The following CAMKMT variants were observed in gnomAD, a reference collection of about 807,000 sequenced individuals.
The protein encoded by CAMKMT is CaM KMT.
Under a neutral mutation model 48.0 loss-of-function variants are expected in CAMKMT, and 53 were observed. The ratio of observed to expected loss-of-function variants is 1.10; its 90% CI spans 0.89 to 1.39. CAMKMT has a LOEUF of 1.39. Among genes scored for constraint, CAMKMT ranks in the 40% most tolerant of loss-of-function variants. The pLI is 0.00. For synonymous variants in CAMKMT, 165 were observed against 152.3 expected, an observed-to-expected ratio of 1.08 and a Z score of -0.61; for missense variants, 428 against 402.7, an observed-to-expected ratio of 1.06 and a Z score of -0.54.
chr2:44,694,238 T>C (rs116139742), intron 3 of CAMKMT, among the ~76,000 whole-genome samples: 1,690 of 152,340 alleles, frequency 0.011, 28 homozygotes, highest in African/African-American at 0.039. Context: ...TTAATCATAG[T>C]TGTGCTGTTT....
chr2:44,629,660 A>G lies in CAMKMT; in HGVS notation c.377-74623A>G, dbSNP rs201784245. On this transcript the variant is annotated intron_variant, in intron 3 of 10. Coordinates refer to ENST00000378494, the MANE Select transcript of CAMKMT (RefSeq NM_024766.5). ...CCCATTCACAATTGCTTCAAAGAGA[A>G]TAAAATACCTAGGAATCCACCTTAC... Among the ~76,000 whole-genome samples, 58 of 152,150 alleles carry G rather than the reference A, an allele frequency of 3.8e-4. No homozygotes were observed. The East Asian group carries it at 6.4e-3, about 17-fold the overall frequency.
chr2:44,603,941 C>T (rs1370954748), intron 3 of CAMKMT, among the ~76,000 whole-genome samples: 1 of 152,046 alleles, frequency 6.6e-6, no homozygotes, highest in African/African-American at 2.4e-5. Flanking sequence ...AACACCAACA[C>T]TAATAAGATG....
At chr2:44,736,927 G>T (rs2104358085) in intron 7 of CAMKMT, among the ~76,000 whole-genome samples, 1 of 152,178 alleles carries the variant, frequency 6.6e-6, no homozygotes, top group East Asian at 1.9e-4. Context: ...CTATTGTAAT[G>T]CCCGTGTCTG....
chr2:44,499,145 A>G (rs893688473), intron 3 of CAMKMT, among the ~76,000 whole-genome samples: 9 of 152,252 alleles, frequency 5.9e-5, no homozygotes, highest in African/African-American at 1.9e-4. Flanking sequence ...AAAATAGAAT[A>G]CATCTAATCA....
chr2:44,362,415 G>T (rs1250946905), intron 1 of CAMKMT, among the ~76,000 whole-genome samples: 1 of 152,124 alleles, frequency 6.6e-6, no homozygotes, highest in Non-Finnish European at 1.5e-5. Context: ...AGACATTTTT[G>T]TGCGTCTGGG....
At chr2:44,401,050 G>T (rs773164753) in intron 3 of CAMKMT, 7 of 151,090 alleles carry the variant, frequency 4.6e-5, no homozygotes, top group Non-Finnish European at 8.8e-5. Flanking sequence ...CTCCACAAGT[G>T]TTTATTAAGT....
chr2:44,410,151 AAAG>A (rs998522521), intron 3 of CAMKMT, among the ~76,000 whole-genome samples: 1 of 142,608 alleles, frequency 7.0e-6, no homozygotes, highest in Non-Finnish European at 1.5e-5. Context: ...ATGTACTACC[AAAG>A]AAGCAGAATG....
At chr2:44,554,905 C>T (rs895247032) in intron 3 of CAMKMT, among the ~76,000 whole-genome samples, 6 of 151,926 alleles carry the variant, frequency 3.9e-5, no homozygotes. Flanking sequence ...ACAATAAATA[C>T]TGCATTAGGA....
chr2:44,583,046 A>G (rs1221891884), intron 3 of CAMKMT, among the ~76,000 whole-genome samples: 1 of 152,188 alleles, frequency 6.6e-6, no homozygotes, highest in Non-Finnish European at 1.5e-5. Context: ...CTTAAAATAC[A>G]TATAATACAT....
At chr2:44,711,177 C>T (rs1466114201) in intron 6 of CAMKMT, among the ~76,000 whole-genome samples, 3 of 152,160 alleles carry the variant, frequency 2.0e-5, no homozygotes, top group Admixed American at 1.3e-4. Flanking sequence ...TCTTCCAATG[C>T]CGGCTGTACT....
intron 3 of CAMKMT, among the ~76,000 whole-genome samples, chr2:44,690,590 GGTT>G (rs1458509643): frequency 9.9e-5 from 15 of 152,138 alleles, no homozygotes; most frequent in African/African-American, 3.6e-4. Context: ...ATCTTATAGG[GGTT>G]GTTTTAAGGA....
At chr2:44,596,554 C>G (rs139863473) in intron 3 of CAMKMT, among the ~76,000 whole-genome samples, 1 of 152,152 alleles carries the variant, frequency 6.6e-6, no homozygotes, top group Non-Finnish European at 1.5e-5. Context: ...AAATCTCTAA[C>G]AAGCCCCCCA....
intron 1 of CAMKMT, among the ~76,000 whole-genome samples, chr2:44,370,568 CAGTTTTATCA>C (rs756398977): frequency 6.7e-4 from 102 of 152,176 alleles, no homozygotes; most frequent in Non-Finnish European, 1.3e-3. Flanking sequence ...AAGGATTTAT[CAGTTTTATCA>C]ATCTTTTCAA....
At chr2:44,579,191 T>G (rs1669404908) in intron 3 of CAMKMT, among the ~76,000 whole-genome samples, 1 of 152,196 alleles carries the variant, frequency 6.6e-6, no homozygotes, top group Admixed American at 6.5e-5. Flanking sequence ...GGGCAGAAGG[T>G]TGTGGTACCC....
At chr2:44,382,246 G>A (rs1680323606) in intron 2 of CAMKMT, among the ~76,000 whole-genome samples, 1 of 151,452 alleles carries the variant, frequency 6.6e-6, no homozygotes, top group South Asian at 2.1e-4. Flanking sequence ...CATTTTGGAG[G>A]TTAAATATTT....
intron 10 of CAMKMT, among the ~76,000 whole-genome samples, chr2:44,768,046 A>T (rs565387739): frequency 6.6e-6 from 1 of 152,222 alleles, no homozygotes; most frequent in African/African-American, 2.4e-5. Flanking sequence ...CATGCCAGGC[A>T]CGCCCACCTC....
chr2:44,401,769 C>G (rs983857958), intron 3 of CAMKMT, among the ~76,000 whole-genome samples: 3 of 152,090 alleles, frequency 2.0e-5, no homozygotes, highest in African/African-American at 7.2e-5. Flanking sequence ...ATATGTAGAT[C>G]AATTTCTTGC....
chr2:44,711,056 A>G (rs565214939), intron 6 of CAMKMT, among the ~76,000 whole-genome samples: 3 of 152,270 alleles, frequency 2.0e-5, no homozygotes, highest in South Asian at 2.1e-4. Context: ...ATTTAATACA[A>G]TCCCTGACTT....
intron 3 of CAMKMT, among the ~76,000 whole-genome samples, chr2:44,414,120 C>G (rs1360844381): frequency 6.6e-6 from 1 of 152,132 alleles, no homozygotes; most frequent in Non-Finnish European, 1.5e-5. Flanking sequence ...TCTGGCAACT[C>G]TATTGTAGAG....
Sources: allele counts gnomAD v4.1 joint callset (sites outside exome capture counted in the v4.1 genomes callset), GRCh38; gene constraint gnomAD v4.1.1; transcripts MANE v1.5; gene names NCBI Gene and HGNC (gene_info 2026-07-23, HGNC 2026-07-21).